SPSB4: variants seen among roughly 807,000 people sequenced by gnomAD.
SPSB4 encodes the protein SPRY domain-containing SOCS box protein 4.
A neutral mutation model predicts 20.9 loss-of-function variants in SPSB4; 21 were observed. The observed-to-expected ratio is 1.01, with a 90% CI of 0.71 to 1.45. The LOEUF is 1.45. Among genes scored for constraint, SPSB4 ranks in the 40% most tolerant of loss-of-function variants. The pLI, the probability that SPSB4 is intolerant of heterozygous loss-of-function variation, is 0.00. For missense variants in SPSB4, 399 were observed against 399.2 expected (o/e 1.00, Z 0.00); for synonymous variants, 207 against 183.8 (o/e 1.13, Z -1.02).
In SPSB4 at chr3:141,072,769, C is replaced by T. The variant is rs1052588419; in HGVS notation, c.694+5971C>T. Among the ~76,000 whole-genome samples, 5 of 152,342 alleles carry T rather than the reference C, an allele frequency of 3.3e-5. No individual in the cohort carries two copies. In the East Asian group the frequency reaches 9.6e-4, roughly 29 times the overall value. On this transcript the variant is annotated intron_variant, in intron 2 of 2. Coordinates refer to ENST00000310546, the MANE Select transcript of SPSB4 (RefSeq NM_080862.3). ...CATGTGGCAACAGATTTAAATACTA[C>T]CAAAGGGCGTATGGTGAAATAACCC...
intron 2 of SPSB4, among the ~76,000 whole-genome samples, chr3:141,107,964 A>T (rs919944407): frequency 3.0e-4 from 35 of 118,482 alleles, no homozygotes; most frequent in Admixed American, 1.6e-3. Flanking sequence ...TAAAAAAAAA[A>T]ATAAAATAAA....
intron 1 of SPSB4, among the ~76,000 whole-genome samples, chr3:141,055,081 A>G (rs1937616363): frequency 1.3e-5 from 2 of 152,232 alleles, no homozygotes. Flanking sequence ...GTGTACGAGT[A>G]TTGGAGATAA....
intron 1 of SPSB4, among the ~76,000 whole-genome samples, chr3:141,057,850 T>G (rs1937684719): frequency 6.6e-6 from 1 of 152,236 alleles, no homozygotes; most frequent in South Asian, 2.1e-4. Context: ...ATAAAGGAAT[T>G]CCAGTGGTAT....
intron 2 of SPSB4, among the ~76,000 whole-genome samples, chr3:141,136,367 T>A (rs1309054561): frequency 6.6e-6 from 1 of 152,090 alleles, no homozygotes; most frequent in African/African-American, 2.4e-5. Context: ...GTCAATTTTG[T>A]CTTTTGTTGC....
At chr3:141,127,454 C>A (rs1043186002) in intron 2 of SPSB4, among the ~76,000 whole-genome samples, 1 of 152,240 alleles carries the variant, frequency 6.6e-6, no homozygotes, top group African/African-American at 2.4e-5. Context: ...CCCACCTCCC[C>A]GAGGAAACCT....
chr3:141,054,567 C>T (rs1038700606), intron 1 of SPSB4, among the ~76,000 whole-genome samples: 16 of 152,274 alleles, frequency 1.1e-4, no homozygotes, highest in Admixed American at 2.6e-4. Context: ...AGGTGGTATA[C>T]CTCAAACCAG....
At position 141,120,945 on chromosome 3, in the gene SPSB4, C is replaced by T. The variant is rs145061999; in HGVS notation, c.695-26197C>T. Among the ~76,000 whole-genome samples, 991 of 151,890 alleles carry T rather than the reference C, an allele frequency of 6.5e-3. 14 individuals are homozygous for T. Among genetic ancestry groups the T allele is most frequent in the African/African-American group, 0.023 (952 of 41,430 alleles). ...TAGTATTGTTATGTGTGAATGTGAT[C>T]CTGTCATTATGATGTTAGCTGGCTA... On this transcript the variant is annotated intron_variant, in intron 2 of 2. Coordinates refer to ENST00000310546, the MANE Select transcript of SPSB4 (RefSeq NM_080862.3).
At chr3:141,081,679 G>A (rs1938233700) in intron 2 of SPSB4, among the ~76,000 whole-genome samples, 1 of 152,202 alleles carries the variant, frequency 6.6e-6, no homozygotes, top group Admixed American at 6.5e-5. Context: ...GAACACAGTG[G>A]CAGTTCTGCA....
At chr3:141,096,231 T>C (rs1467131949) in intron 2 of SPSB4, among the ~76,000 whole-genome samples, 2 of 152,130 alleles carry the variant, frequency 1.3e-5, no homozygotes, top group African/African-American at 4.8e-5. Flanking sequence ...GGGAAACAGC[T>C]AAATAGTTGA....
chr3:141,105,610 C>T (rs1256105928), intron 2 of SPSB4, among the ~76,000 whole-genome samples: 1 of 152,190 alleles, frequency 6.6e-6, no homozygotes, highest in East Asian at 1.9e-4. Flanking sequence ...AGAGAAGTGA[C>T]TTGCCGAAGA....
chr3:141,083,033 T>C (rs1231118089), intron 2 of SPSB4, among the ~76,000 whole-genome samples: 1 of 151,442 alleles, frequency 6.6e-6, no homozygotes, highest in African/African-American at 2.4e-5. Context: ...CCCCAGACCA[T>C]GATGAGCTGC....
At chr3:141,071,223 C>T (rs1576518349) in intron 2 of SPSB4, among the ~76,000 whole-genome samples, 1 of 152,226 alleles carries the variant, frequency 6.6e-6, no homozygotes, top group South Asian at 2.1e-4. Flanking sequence ...CTGCTCTGGG[C>T]TGCTTTCTGG....
chr3:141,064,935 C>T (rs985241826), intron 1 of SPSB4, among the ~76,000 whole-genome samples: 4 of 152,158 alleles, frequency 2.6e-5, no homozygotes, highest in Admixed American at 6.5e-5. Context: ...TTTACCTGAT[C>T]GAACAAAGAG....
At chr3:141,124,838 G>T (rs995456357) in intron 2 of SPSB4, among the ~76,000 whole-genome samples, 2 of 152,132 alleles carry the variant, frequency 1.3e-5, no homozygotes, top group African/African-American at 4.8e-5. Context: ...GTGGACCAGT[G>T]TATTAGAATC....
At chr3:141,111,933 C>T (rs1239921383) in intron 2 of SPSB4, among the ~76,000 whole-genome samples, 2 of 152,160 alleles carry the variant, frequency 1.3e-5, no homozygotes, top group Admixed American at 6.5e-5. Context: ...CCTGAGACCC[C>T]ACCCTCCACT....
intron 2 of SPSB4, among the ~76,000 whole-genome samples, chr3:141,136,497 A>C (rs1192909894): frequency 6.6e-6 from 1 of 152,162 alleles, no homozygotes; most frequent in African/African-American, 2.4e-5. Flanking sequence ...TCTTTAATCC[A>C]CCTTGAATTA....
chr3:141,126,971 G>A (rs1939058440), intron 2 of SPSB4, among the ~76,000 whole-genome samples: 1 of 152,186 alleles, frequency 6.6e-6, no homozygotes, highest in Non-Finnish European at 1.5e-5. Flanking sequence ...GCAAGGGATG[G>A]GACCTTCTTC....
intron 2 of SPSB4, among the ~76,000 whole-genome samples, chr3:141,086,024 G>A (rs927595241): frequency 6.6e-6 from 1 of 152,230 alleles, no homozygotes; most frequent in Non-Finnish European, 1.5e-5. Flanking sequence ...GTTGGAGCAT[G>A]AATTAGGAGG....
intron 2 of SPSB4, among the ~76,000 whole-genome samples, chr3:141,137,032 G>T (rs1318976856): frequency 2.6e-5 from 4 of 152,192 alleles, no homozygotes; most frequent in East Asian, 1.9e-4. Context: ...GTGGTTTGTA[G>T]TTCTCCTTGA....
Sources: allele counts gnomAD v4.1 joint callset (sites outside exome capture counted in the v4.1 genomes callset), GRCh38; gene constraint gnomAD v4.1.1; transcripts MANE v1.5; gene names NCBI Gene and HGNC (gene_info 2026-07-23, HGNC 2026-07-21).